The following CACNA1E variants were observed in gnomAD, a reference collection of about 807,000 sequenced individuals.
CACNA1E encodes the protein calcium voltage-gated channel subunit alpha1 E, also known as voltage-dependent R-type calcium channel subunit alpha-1E.
Under a neutral mutation model 259.2 loss-of-function variants are expected in CACNA1E, and 40 were observed. The ratio of observed to expected loss-of-function variants is 0.15; its 90% CI spans 0.12 to 0.20. The LOEUF (loss-of-function observed/expected upper bound fraction) is 0.20. CACNA1E is among the 10% of genes least tolerant of loss of function. CACNA1E has a pLI of 1.00. For missense variants in CACNA1E, 1,874 were observed against 3,040.1 expected (o/e 0.62, Z 9.02); for synonymous variants, 1,104 against 1,138.5 (o/e 0.97, Z 0.61).
chr1:181,336,313 T>C (rs1246191296), intron 1 of CACNA1E, among the ~76,000 whole-genome samples: 1 of 152,234 alleles, frequency 6.6e-6, no homozygotes, highest in Non-Finnish European at 1.5e-5. Flanking sequence ...GTACTACTTA[T>C]CAAGCTCTTA....
At chr1:181,362,196 A>G (rs1653931534) in intron 1 of CACNA1E, among the ~76,000 whole-genome samples, 1 of 152,230 alleles carries the variant, frequency 6.6e-6, no homozygotes, top group African/African-American at 2.4e-5. Context: ...ATCAGAGCCC[A>G]AAAGGAGAAG....
chr1:181,599,782 A>G (rs942423644), intron 6 of CACNA1E, among the ~76,000 whole-genome samples: 1 of 152,240 alleles, frequency 6.6e-6, no homozygotes, highest in Admixed American at 6.5e-5. Context: ...TCTTATGCTC[A>G]GTGAAAACAC....
Position 181,566,715 on chromosome 1 carries a change from C to T in CACNA1E, c.513-11051C>T, listed in dbSNP as rs1461100055. Among the ~76,000 whole-genome samples the T allele has an allele frequency of 3.9e-5, 6 of 152,292 alleles. No homozygotes were observed. The East Asian group carries it at 7.7e-4, about 20-fold the overall frequency. On this transcript the variant is annotated intron_variant, in intron 3 of 47. Transcript: ENST00000367573. ...GAGAGAGGAGCTATGTGTATGTTCTCCCAGTGTGAATAGGGACTAATGTGA... is the reference window on the plus strand; with the variant it reads ...GAGAGAGGAGCTATGTGTATGTTCTTCCAGTGTGAATAGGGACTAATGTGA...
intron 2 of CACNA1E, among the ~76,000 whole-genome samples, chr1:181,421,182 C>T (rs1417439915): frequency 6.6e-6 from 1 of 152,194 alleles, no homozygotes; most frequent in Non-Finnish European, 1.5e-5. Flanking sequence ...CAGTAACTGG[C>T]ACAGCACTGG....
At chr1:181,419,079 C>T (rs764641673) in intron 2 of CACNA1E, among the ~76,000 whole-genome samples, 1 of 152,132 alleles carries the variant, frequency 6.6e-6, no homozygotes, top group Non-Finnish European at 1.5e-5. Flanking sequence ...CCAACTGCAG[C>T]TAAAGATCCT....
chr1:181,665,337 A>G (rs2102161473), intron 7 of CACNA1E, among the ~76,000 whole-genome samples: 1 of 152,270 alleles, frequency 6.6e-6, no homozygotes, highest in African/African-American at 2.4e-5. Flanking sequence ...TACTTAAGGA[A>G]CCCAGTAGAT....
intron 21 of CACNA1E, among the ~76,000 whole-genome samples, chr1:181,736,057 G>A (rs1038135218): frequency 2.0e-5 from 3 of 152,130 alleles, no homozygotes; most frequent in South Asian, 2.1e-4. Context: ...GACATAAAAG[G>A]TTATTTCTCA....
At chr1:181,488,312 G>A (rs111701553) in intron 1 of CACNA1E, among the ~76,000 whole-genome samples, 1,584 of 152,312 alleles carry the variant, frequency 0.01, 18 homozygotes, top group Middle Eastern at 0.027. Flanking sequence ...CTTGATTAGG[G>A]AAGATGATGG....
intron 18 of CACNA1E, among the ~76,000 whole-genome samples, chr1:181,728,588 C>A (rs148923974): frequency 6.6e-6 from 1 of 152,010 alleles, no homozygotes; most frequent in African/African-American, 2.4e-5. Context: ...GCACCCTGCT[C>A]GTGTGCGTAC....
At chr1:181,570,164 CT>C (rs56413214) in intron 3 of CACNA1E, among the ~76,000 whole-genome samples, 2,927 of 146,360 alleles carry the variant, frequency 0.02, 81 homozygotes, top group African/African-American at 0.062. Context: ...CTGTAGTAGA[CT>C]TTTTTTTTTT....
chr1:181,550,230 C>G (rs1647978502), intron 3 of CACNA1E, among the ~76,000 whole-genome samples: 2 of 152,002 alleles, frequency 1.3e-5, no homozygotes. Context: ...AGATGAATCC[C>G]AAGTGTAGGG....
At chr1:181,466,176 G>A (rs931854043) in intron 2 of CACNA1E, among the ~76,000 whole-genome samples, 10 of 152,150 alleles carry the variant, frequency 6.6e-5, no homozygotes, top group Non-Finnish European at 1.5e-4. Flanking sequence ...ATAGCTTAGC[G>A]CAGAATCTTA....
intron 1 of CACNA1E, among the ~76,000 whole-genome samples, chr1:181,504,803 G>A (rs926548791): frequency 6.6e-6 from 1 of 152,230 alleles, no homozygotes; most frequent in South Asian, 2.1e-4. Flanking sequence ...GGAGCATTGG[G>A]TAAAGGAGAT....
intron 6 of CACNA1E, among the ~76,000 whole-genome samples, chr1:181,627,665 A>G (rs544008577): frequency 3.3e-5 from 5 of 152,224 alleles, no homozygotes; most frequent in Non-Finnish European, 7.3e-5. Flanking sequence ...GGAATGCTGT[A>G]TAAGCACCAG....
chr1:181,737,669 G>A lies in CACNA1E; in HGVS notation c.3552+15G>A, dbSNP rs1656176559. 2 of 1,611,842 alleles carry A rather than the reference G, an allele frequency of 1.2e-6. No individual in the cohort carries two copies. The highest frequency in any genetic ancestry group is 1.7e-6 in the Non-Finnish European group (2 of 1,178,662). ...AGCGCAACAAAGTGGGTACACAGGG[G>A]CCATGTGCCAGCCTCTGTAGTGCTC... On this transcript the variant is annotated intron_variant, in intron 23 of 47. Coordinates refer to ENST00000367573, the MANE Select transcript of CACNA1E (RefSeq NM_001205293.3).
chr1:181,651,599 C>G, intron 7 of CACNA1E, 158 bp downstream of exon 7: 1 of 574,782 alleles, frequency 1.7e-6, no homozygotes, highest in Non-Finnish European at 3.1e-6. Flanking sequence ...GCTGGGAATG[C>G]AGTAGTGAAC....
chr1:181,777,584 G>C (rs1416980438), intron 38 of CACNA1E, among the ~76,000 whole-genome samples: 1 of 152,202 alleles, frequency 6.6e-6, no homozygotes, highest in Admixed American at 6.5e-5. Context: ...GCAATGGGCA[G>C]TGTGTTAGAG....
chr1:181,655,890 A>G (rs1348798151), intron 7 of CACNA1E, among the ~76,000 whole-genome samples: 1 of 152,032 alleles, frequency 6.6e-6, no homozygotes, highest in Non-Finnish European at 1.5e-5. Context: ...ACATAATGAC[A>G]TTTCAGTCAA....
chr1:181,452,250 C>T (rs1661202858), intron 2 of CACNA1E, among the ~76,000 whole-genome samples: 1 of 152,186 alleles, frequency 6.6e-6, no homozygotes, highest in African/African-American at 2.4e-5. Flanking sequence ...AAAGCAAATG[C>T]CTTTTATGAG....
Sources: allele counts gnomAD v4.1 joint callset (sites outside exome capture counted in the v4.1 genomes callset), GRCh38; gene constraint gnomAD v4.1.1; transcripts MANE v1.5; gene names NCBI Gene and HGNC (gene_info 2026-07-23, HGNC 2026-07-21).